Variants in ABCB7 observed in about 807,000 individuals in gnomAD.
ABCB7 encodes the protein iron-sulfur clusters transporter ABCB7, mitochondrial.
Under a neutral mutation model 54.4 loss-of-function variants are expected in ABCB7, and 7 were observed. The ratio of observed to expected loss-of-function variants is 0.13; its 90% confidence interval spans 0.07 to 0.24. ABCB7 has a LOEUF of 0.24. ABCB7 is among the 10% of genes least tolerant of loss of function. The pLI is 1.00. For missense variants in ABCB7, 356 were observed against 570.4 expected, an observed-to-expected ratio of 0.62 and a Z score of 3.83; for synonymous variants, 218 against 207.1, an observed-to-expected ratio of 1.05 and a Z score of -0.45.
At chrX:75,097,415 C>A (rs2081600780) in intron 4 of ABCB7, 1 of 111,974 alleles carries the variant, frequency 8.9e-6, no homozygotes, top group Admixed American at 9.5e-5. Flanking sequence ...TGAAACCCCA[C>A]AACACCCGAC....
intron 3 of ABCB7, among the ~76,000 whole-genome samples, chrX:75,109,913 C>A (rs1048765759): frequency 9.0e-6 from 1 of 111,654 alleles, no homozygotes; most frequent in Non-Finnish European, 1.9e-5. Context: ...CAAAAACTAG[C>A]GAGTTCAGTC....
chrX:75,093,678 A>G (rs2081562284), intron 4 of ABCB7, among the ~76,000 whole-genome samples: 1 of 108,997 alleles, frequency 9.2e-6, no homozygotes, highest in South Asian at 3.9e-4. Flanking sequence ...CATTCTGGAG[A>G]AAAAAAGGGG....
intron 2 of ABCB7, among the ~76,000 whole-genome samples, chrX:75,113,365 G>T (rs1845120293): frequency 8.9e-6 from 1 of 111,843 alleles, no homozygotes; most frequent in African/African-American, 3.2e-5. Context: ...TGCTTTCCTT[G>T]TGTATACATT....
intron 3 of ABCB7, among the ~76,000 whole-genome samples, chrX:75,102,277 T>A (rs777954323): frequency 9.0e-6 from 1 of 110,893 alleles, no homozygotes; most frequent in Admixed American, 9.6e-5. Flanking sequence ...ACATTAAAAC[T>A]TACACCTTTT....
At position 75,069,573 on chromosome X, in the gene ABCB7, T is replaced by C. The variant is rs1397570996; in HGVS notation, c.1366-119A>G. On this transcript the variant is annotated intron_variant, in intron 10 of 15. Coordinates refer to ENST00000373394, the MANE Select transcript of ABCB7 (RefSeq NM_001271696.3). Reference sequence around the variant, plus strand: ...AATGGAAAAGAAGGAGGTTTATAAGTGGACTTAGACCACTTCCAAGCATGC... The same window carrying C: ...AATGGAAAAGAAGGAGGTTTATAAGCGGACTTAGACCACTTCCAAGCATGC... 3.1e-5 allele frequency: 24 copies of C among 778,729 alleles called. No homozygotes were observed. In the South Asian group the frequency reaches 5.0e-4, roughly 16 times the overall value. 64.2% of individuals were successfully genotyped at this position (778,729 alleles called of 1,213,427 possible).
chrX:75,057,034 C>T (rs1351173163), intron 15 of ABCB7, among the ~76,000 whole-genome samples: 3 of 111,981 alleles, frequency 2.7e-5, no homozygotes, highest in Admixed American at 9.5e-5. Flanking sequence ...ATTCGTTTTA[C>T]TTCTTTCTGT....
chrX:75,092,685 C>A (rs2081554426), intron 4 of ABCB7, among the ~76,000 whole-genome samples: 1 of 110,993 alleles, frequency 9.0e-6, no homozygotes, highest in African/African-American at 3.3e-5. Context: ...TATTTGTATC[C>A]AAAATTACAA....
intron 8 of ABCB7, among the ~76,000 whole-genome samples, chrX:75,072,370 T>C (rs1271655995): frequency 4.5e-5 from 5 of 111,698 alleles, no homozygotes; most frequent in Non-Finnish European, 9.4e-5. Flanking sequence ...TAATTTTGAC[T>C]GTGCAATCAT....
At chrX:75,131,626 C>T (rs920739131) in intron 1 of ABCB7, among the ~76,000 whole-genome samples, 2 of 111,620 alleles carry the variant, frequency 1.8e-5, no homozygotes, top group African/African-American at 6.5e-5. Context: ...GCCATTTTTG[C>T]TGCTGCTACA....
At chrX:75,066,042 A>G (rs1220306748) in intron 12 of ABCB7, among the ~76,000 whole-genome samples, 1 of 112,060 alleles carries the variant, frequency 8.9e-6, no homozygotes, top group East Asian at 2.8e-4. Flanking sequence ...AAGCTTTGAC[A>G]TTGATATTAA....
intron 15 of ABCB7, among the ~76,000 whole-genome samples, chrX:75,058,857 G>A (rs2081261295): frequency 9.0e-6 from 1 of 111,463 alleles, no homozygotes; most frequent in African/African-American, 3.3e-5. Flanking sequence ...GAATCAGAAA[G>A]CTTATAAAAA....
In ABCB7 at chrX:75,070,533, A is replaced by C; in HGVS notation, c.1208-11T>G. ...CAACAGTAAGGGTACCTTAAAAGGCAGAAGAAAAAAAGGGTATTTTAGATA... is the reference window on the plus strand; with the variant it reads ...CAACAGTAAGGGTACCTTAAAAGGCCGAAGAAAAAAAGGGTATTTTAGATA... On this transcript the variant is annotated splice_polypyrimidine_tract_variant and intron_variant, in intron 9 of 15. Transcript: ENST00000373394. 8.3e-7 allele frequency: 1 copy of C among 1,205,425 alleles called. No homozygotes were observed. Among genetic ancestry groups the C allele is most frequent in the Non-Finnish European group, 1.1e-6 (1 of 890,203 alleles).
At chrX:75,108,723 G>C (rs2147517882) in intron 3 of ABCB7, among the ~76,000 whole-genome samples, 1 of 110,510 alleles carries the variant, frequency 9.0e-6, no homozygotes, top group South Asian at 3.9e-4. Context: ...AGAGGGCTGA[G>C]AGAAGCTGAA....
intron 1 of ABCB7, among the ~76,000 whole-genome samples, chrX:75,125,618 T>C (rs2081919321): frequency 9.0e-6 from 1 of 111,080 alleles, no homozygotes. Flanking sequence ...GATTTCTTTT[T>C]GTTCTGCCTG....
At chrX:75,131,430 A>G (rs956024113) in intron 1 of ABCB7, among the ~76,000 whole-genome samples, 1 of 111,389 alleles carries the variant, frequency 9.0e-6, no homozygotes, top group African/African-American at 3.3e-5. Context: ...TGGTTTAAAA[A>G]GCATATGATG....
At chrX:75,138,045 A>ATGTTTTT (rs2082024153) in intron 1 of ABCB7, among the ~76,000 whole-genome samples, 1 of 112,068 alleles carries the variant, frequency 8.9e-6, no homozygotes, top group Admixed American at 9.5e-5. Context: ...AAAAAATAAA[A>ATGTTTTT]ACATCTTCTA....
chrX:75,072,479 C>T (rs188719600), intron 8 of ABCB7, among the ~76,000 whole-genome samples: 29 of 111,660 alleles, frequency 2.6e-4, no homozygotes, highest in African/African-American at 8.4e-4. Flanking sequence ...CTGTATAGCA[C>T]GTTACTATAT....
chrX:75,092,763 C>T (rs1168517600), intron 4 of ABCB7, among the ~76,000 whole-genome samples: 1 of 111,594 alleles, frequency 9.0e-6, no homozygotes, highest in Non-Finnish European at 1.9e-5. Context: ...ACTGATCAGA[C>T]ACTTCACCAA....
intron 1 of ABCB7, among the ~76,000 whole-genome samples, chrX:75,154,483 C>A (rs2082158186): frequency 8.9e-6 from 1 of 112,012 alleles, no homozygotes; most frequent in South Asian, 3.7e-4. Flanking sequence ...AAACTTTCAA[C>A]CATAAAATAC....
Sources: gnomAD v4.1 joint callset for allele counts (sites outside exome capture counted in the v4.1 genomes callset) on GRCh38, gnomAD v4.1.1 for gene constraint, MANE v1.5 for transcripts, NCBI Gene and HGNC (gene_info 2026-07-23, HGNC 2026-07-21) for gene names.